SUZ12: variants seen among roughly 807,000 people sequenced by gnomAD.
SUZ12 encodes SUZ12 polycomb repressive complex 2 subunit.
A neutral mutation model predicts 87.3 loss-of-function variants in SUZ12; 17 were observed. The ratio of observed to expected loss-of-function variants is 0.19; its 90% CI spans 0.13 to 0.29. The LOEUF (loss-of-function observed/expected upper bound fraction) is 0.29, where lower values mean the gene tolerates loss of function less well. Ranked by LOEUF, SUZ12 falls within the 10% of genes least tolerant of loss-of-function variation. The pLI, the probability that SUZ12 is intolerant of heterozygous loss-of-function variation, is 1.00. For missense variants in SUZ12, 526 were observed against 912.2 expected (o/e 0.58, Z 5.45); for synonymous variants, 253 against 312.4 (o/e 0.81, Z 2.01).
chr17:31,963,985 C>G (rs111385763), intron 4 of SUZ12: 1 of 152,104 alleles, frequency 6.6e-6, no homozygotes, highest in South Asian at 2.1e-4. Context: ...TCTACTCTTC[C>G]ATAATAATTT....
chr17:31,972,877 G>A (rs1252462728), intron 5 of SUZ12, among the ~76,000 whole-genome samples: 1 of 149,364 alleles, frequency 6.7e-6, no homozygotes, highest in Non-Finnish European at 1.5e-5. Flanking sequence ...GGGCAACAGA[G>A]CAAAACCTAT....
intron 1 of SUZ12, 45 bp from the exon 2 acceptor site, chr17:31,940,241 C>T: frequency 6.3e-7 from 1 of 1,574,956 alleles, no homozygotes; most frequent in South Asian, 1.2e-5. Context: ...ATTTTTCTGA[C>T]AAGTAAGTTT....
chr17:31,997,167 G>A (rs2142219811), intron 15 of SUZ12, among the ~76,000 whole-genome samples: 1 of 152,240 alleles, frequency 6.6e-6, no homozygotes, highest in South Asian at 2.1e-4. Flanking sequence ...GCACAGATGT[G>A]AGTCATCGCA....
chr17:31,987,887 G>A (rs1180876055), intron 9 of SUZ12, among the ~76,000 whole-genome samples: 2 of 151,728 alleles, frequency 1.3e-5, no homozygotes, highest in Admixed American at 6.6e-5. Flanking sequence ...GCAGTGAGCT[G>A]AGACCATGCC....
intron 3 of SUZ12, among the ~76,000 whole-genome samples, chr17:31,942,506 T>G (rs1340095595): frequency 2.6e-5 from 4 of 152,096 alleles, no homozygotes; most frequent in Middle Eastern, 3.2e-3. Flanking sequence ...TGGCTAATTT[T>G]TTGTATTTTT....
intron 3 of SUZ12, among the ~76,000 whole-genome samples, chr17:31,941,013 G>T (rs1327807354): frequency 6.9e-6 from 1 of 144,006 alleles, no homozygotes; most frequent in Non-Finnish European, 1.5e-5. Flanking sequence ...CTACCTCAAA[G>T]AAAAAAAAAA....
At chr17:31,976,672 A>T (rs1567828949) in intron 8 of SUZ12, 58 bp downstream of exon 8, 6 of 1,248,836 alleles carry the variant, frequency 4.8e-6, no homozygotes, top group Non-Finnish European at 5.7e-6. Flanking sequence ...TTCATTCTGA[A>T]GCAGAATATA....
chr17:31,992,520 C>T (rs2142212544), intron 10 of SUZ12, among the ~76,000 whole-genome samples: 1 of 152,228 alleles, frequency 6.6e-6, no homozygotes, highest in Non-Finnish European at 1.5e-5. Flanking sequence ...CGCCATTCTC[C>T]TGCCTCAGCC....
intron 12 of SUZ12, 84 bp downstream of exon 12, chr17:31,994,092 ATTTTTT>A: frequency 7.5e-7 from 1 of 1,337,708 alleles, no homozygotes. Context: ...ACCCACAAAA[ATTTTTT>A]AAATTAAAAA....
At chr17:31,990,018 G>A (rs921825262) in intron 10 of SUZ12, among the ~76,000 whole-genome samples, 1 of 147,450 alleles carries the variant, frequency 6.8e-6, no homozygotes, top group Non-Finnish European at 1.5e-5. Flanking sequence ...GCAGTGGTGC[G>A]ATCTCAGCTC....
At chr17:31,962,138 T>A (rs1907760370) in intron 4 of SUZ12, among the ~76,000 whole-genome samples, 1 of 152,176 alleles carries the variant, frequency 6.6e-6, no homozygotes, top group Admixed American at 6.6e-5. Flanking sequence ...GATACTTTAT[T>A]ATTTTCTGCA....
At chr17:31,971,094 T>C (rs943713609) in intron 5 of SUZ12, among the ~76,000 whole-genome samples, 1 of 152,222 alleles carries the variant, frequency 6.6e-6, no homozygotes, top group African/African-American at 2.4e-5. Flanking sequence ...AGCCAAGATA[T>C]TCTAGATAGT....
chr17:31,999,393 T>C lies in SUZ12; in HGVS notation c.*390T>C, dbSNP rs1313346628. ...GAGACATTTTCTTGGGGAGGGAAAA[T>C]TGGAATGGTTCCCTTTTTTAGAAAT... On this transcript the variant is annotated 3_prime_UTR_variant, in exon 16 of 16. Transcript: ENST00000322652. 1 of 232,950 alleles carries C rather than the reference T, an allele frequency of 4.3e-6. No individual in the cohort carries two copies. The highest frequency in any genetic ancestry group is 8.5e-6 in the Non-Finnish European group (1 of 118,182). 14.4% of individuals were successfully genotyped at this position (232,950 alleles called of 1,614,324 possible). A position where few individuals can be genotyped will look rare whatever the true frequency, so the allele number is the denominator to read the frequency against.
chr17:31,999,923 A>G lies in SUZ12; in HGVS notation c.*920A>G, dbSNP rs1296051558. ...GAAGTGTTCTTAAAAAGTCAACCAG[A>G]AAACTGTTATGCCTTTTATTTGTTT... On this transcript the variant is annotated 3_prime_UTR_variant, in exon 16 of 16. Transcript: ENST00000322652. 2.6e-5 allele frequency: 6 copies of G among 232,728 alleles called. No individual in the cohort carries two copies. The highest frequency in any genetic ancestry group is 1.1e-4 in the African/African-American group (5 of 45,358). The allele number at this position is 232,728 out of a possible 1,614,324, so 14.4% of individuals were successfully genotyped here.
At chr17:31,977,927 G>A (rs1908857080) in intron 8 of SUZ12, among the ~76,000 whole-genome samples, 1 of 152,110 alleles carries the variant, frequency 6.6e-6, no homozygotes, top group East Asian at 1.9e-4. Flanking sequence ...TAATGATTGT[G>A]TACCTCTGTG....
At chr17:31,988,764 T>C (rs1049107916) in intron 10 of SUZ12, among the ~76,000 whole-genome samples, 4 of 151,870 alleles carry the variant, frequency 2.6e-5, no homozygotes, top group Non-Finnish European at 5.9e-5. Context: ...GGCTAATTTT[T>C]TGTAGTTTTA....
intron 4 of SUZ12, among the ~76,000 whole-genome samples, chr17:31,950,356 A>AATATTTGCT (rs1253667176): frequency 6.6e-6 from 1 of 152,210 alleles, no homozygotes; most frequent in Non-Finnish European, 1.5e-5. Context: ...CAGCAATATA[A>AATATTTGCT]ATATTTGCTT....
chr17:31,995,545 A>G lies in SUZ12; in HGVS notation c.1596-19A>G, dbSNP rs1411882330. On this transcript the variant is annotated intron_variant, in intron 13 of 15. Transcript: ENST00000322652. ...ATACATGTAGAGGCCATAAATCAACATTTATTTCTTTTCATTAGGCCAAAA... is the reference window on the plus strand; with the variant it reads ...ATACATGTAGAGGCCATAAATCAACGTTTATTTCTTTTCATTAGGCCAAAA... The G allele has an allele frequency of 1.9e-6, 3 of 1,611,810 alleles. No individual in the cohort carries two copies. The highest frequency in any genetic ancestry group is 2.2e-5 in the South Asian group (2 of 91,056).
At chr17:31,985,266 A>G (rs1310977259) in intron 9 of SUZ12, among the ~76,000 whole-genome samples, 1 of 151,436 alleles carries the variant, frequency 6.6e-6, no homozygotes, top group East Asian at 1.9e-4. Context: ...TTCAAATTTT[A>G]TATTTTTGTC....
Sources: gnomAD v4.1 joint callset for allele counts (sites outside exome capture counted in the v4.1 genomes callset) on GRCh38, gnomAD v4.1.1 for gene constraint, MANE v1.5 for transcripts, NCBI Gene and HGNC (gene_info 2026-07-23, HGNC 2026-07-21) for gene names.